The following FANCC variants were observed in gnomAD, a reference collection of about 807,000 sequenced individuals.
FANCC encodes the protein Fanconi anemia group C protein.
Under a neutral mutation model 71.3 loss-of-function variants are expected in FANCC, and 55 were observed. The ratio of observed to expected loss-of-function variants is 0.77; its 90% CI spans 0.62 to 0.97. The LOEUF (loss-of-function observed/expected upper bound fraction) is 0.97, where lower values mean the gene tolerates loss of function less well. Among genes scored for constraint, FANCC ranks in the 50% least tolerant of loss-of-function variants. The pLI is 0.00. For missense variants in FANCC, 678 were observed against 670.9 expected (o/e 1.01, Z -0.12); for synonymous variants, 275 against 244.9 (o/e 1.12, Z -1.15).
chr9:95,131,255 C>T (rs1253825968), intron 8 of FANCC, among the ~76,000 whole-genome samples: 1 of 152,240 alleles, frequency 6.6e-6, no homozygotes, highest in Non-Finnish European at 1.5e-5. Flanking sequence ...CCAGCACCCC[C>T]TCCCCTGCCT....
intron 7 of FANCC, among the ~76,000 whole-genome samples, chr9:95,139,832 A>T (rs1201839823): frequency 6.9e-6 from 1 of 144,888 alleles, no homozygotes; most frequent in East Asian, 2.0e-4. Context: ...ATATATATAT[A>T]TTTATATATA....
At chr9:95,271,345 G>A (rs773291990) in intron 1 of FANCC, among the ~76,000 whole-genome samples, 4 of 152,178 alleles carry the variant, frequency 2.6e-5, no homozygotes, top group Non-Finnish European at 5.9e-5. Flanking sequence ...AGGATCCTGA[G>A]AGAAGGAGCT....
chr9:95,237,345 G>A (rs1461000786), intron 4 of FANCC, among the ~76,000 whole-genome samples: 1 of 152,142 alleles, frequency 6.6e-6, no homozygotes, highest in African/African-American at 2.4e-5. Context: ...TTACTGCCAA[G>A]TTTCTTGAAA....
chr9:95,278,024 TA>T (rs1833150320), intron 1 of FANCC, among the ~76,000 whole-genome samples: 1 of 152,212 alleles, frequency 6.6e-6, no homozygotes, highest in Non-Finnish European at 1.5e-5. Flanking sequence ...ATGAATTGCA[TA>T]AAATGATATG....
At chr9:95,135,199 T>C (rs532125629) in intron 8 of FANCC, 147 bp downstream of exon 8, 25 of 826,592 alleles carry the variant, frequency 3.0e-5, no homozygotes, top group Admixed American at 1.1e-4. Flanking sequence ...GTTAGTGATT[T>C]CAAAAATAAA....
At chr9:95,284,280 C>G (rs913384851) in intron 1 of FANCC, among the ~76,000 whole-genome samples, 1 of 152,186 alleles carries the variant, frequency 6.6e-6, no homozygotes, top group Admixed American at 6.5e-5. Flanking sequence ...TTTACTATCC[C>G]ACAAATATTA....
chr9:95,301,430 G>T (rs1834726560), intron 1 of FANCC, among the ~76,000 whole-genome samples: 2 of 151,676 alleles, frequency 1.3e-5, no homozygotes, highest in Admixed American at 6.6e-5. Context: ...TGTTTTTTTT[G>T]GTTCTGGGTT....
At chr9:95,279,171 A>T (rs1168679763) in intron 1 of FANCC, among the ~76,000 whole-genome samples, 1 of 152,086 alleles carries the variant, frequency 6.6e-6, no homozygotes, top group East Asian at 1.9e-4. Context: ...TACAAAAATT[A>T]GCTGGGCATG....
chr9:95,218,539 C>G (rs976307091), intron 4 of FANCC, among the ~76,000 whole-genome samples: 3 of 152,106 alleles, frequency 2.0e-5, no homozygotes, highest in African/African-American at 7.2e-5. Context: ...ATCAATATTT[C>G]TCATGAACAT....
intron 1 of FANCC, among the ~76,000 whole-genome samples, chr9:95,263,915 G>A (rs1055374157): frequency 2.6e-5 from 4 of 152,022 alleles, no homozygotes; most frequent in Non-Finnish European, 4.4e-5. Context: ...TTCAACAAAA[G>A]GTTTCTCAGT....
At chr9:95,257,768 AATAG>A (rs1360098085) in intron 1 of FANCC, among the ~76,000 whole-genome samples, 10 of 152,204 alleles carry the variant, frequency 6.6e-5, no homozygotes, top group South Asian at 6.2e-4. Flanking sequence ...AGATTAACAA[AATAG>A]ATAGACCGCT....
intron 6 of FANCC, among the ~76,000 whole-genome samples, chr9:95,153,739 A>G (rs181753745): frequency 2.6e-5 from 4 of 152,252 alleles, no homozygotes; most frequent in African/African-American, 7.2e-5. Flanking sequence ...ATAGTTTGCA[A>G]TATTTTCTCC....
chr9:95,233,358 CTGAATT>C (rs1830125043), intron 4 of FANCC, among the ~76,000 whole-genome samples: 1 of 152,194 alleles, frequency 6.6e-6, no homozygotes, highest in Non-Finnish European at 1.5e-5. Flanking sequence ...GGCCTCATCT[CTGAATT>C]TCACCTTGCC....
intron 6 of FANCC, among the ~76,000 whole-genome samples, chr9:95,164,589 T>C (rs1830954262): frequency 6.6e-6 from 1 of 152,212 alleles, no homozygotes; most frequent in African/African-American, 2.4e-5. Context: ...TTTATTAATG[T>C]GGTGCAATAT....
In FANCC at chr9:95,149,073, A is replaced by AT. The variant is rs1002571040; in HGVS notation, c.686+849dup. Among the ~76,000 whole-genome samples, 75 of 147,078 alleles carry AT rather than the reference A, an allele frequency of 5.1e-4. 1 individual carries two copies. The highest frequency in any genetic ancestry group is 6.5e-4 in the South Asian group (3 of 4,624). On this transcript the variant is annotated intron_variant, in intron 7 of 14. Transcript: ENST00000289081. ...AAAAACAATGCTGCTTTTGTCAAAC[A>AT]TTTTTTTTTTTGCCTTGGAAAAGAG... is the stretch of plus-strand genomic sequence containing the variant.
At chr9:95,309,777 GT>G (rs956365940) in intron 1 of FANCC, among the ~76,000 whole-genome samples, 2 of 152,144 alleles carry the variant, frequency 1.3e-5, no homozygotes, top group African/African-American at 4.8e-5. Flanking sequence ...GGACACACAT[GT>G]TTGTGGGGTG....
chr9:95,230,898 A>T (rs1245157847), intron 4 of FANCC, among the ~76,000 whole-genome samples: 1 of 151,748 alleles, frequency 6.6e-6, no homozygotes, highest in East Asian at 1.9e-4. Context: ...ACAATCCTTT[A>T]GCTAGACATA....
chr9:95,229,026 G>A (rs1483256273), intron 4 of FANCC, among the ~76,000 whole-genome samples: 6 of 152,126 alleles, frequency 3.9e-5, no homozygotes, highest in African/African-American at 1.2e-4. Context: ...GGCTGGGCAC[G>A]ATGGCTCACA....
At chr9:95,160,009 T>G (rs1232693728) in intron 6 of FANCC, among the ~76,000 whole-genome samples, 1 of 152,202 alleles carries the variant, frequency 6.6e-6, no homozygotes, top group Non-Finnish European at 1.5e-5. Context: ...TTTCTTTTGC[T>G]GTGCAGAAGC....
Sources: gnomAD v4.1 joint callset for allele counts (sites outside exome capture counted in the v4.1 genomes callset) on GRCh38, gnomAD v4.1.1 for gene constraint, MANE v1.5 for transcripts, NCBI Gene and HGNC (gene_info 2026-07-23, HGNC 2026-07-21) for gene names.